Variants in TM9SF2 observed in about 807,000 individuals in gnomAD.
TM9SF2 encodes the protein 76 kDa membrane protein.
Under a neutral mutation model 84.9 loss-of-function variants are expected in TM9SF2, and 13 were observed. That is an observed-to-expected ratio of 0.15 (90% CI 0.10 to 0.24). TM9SF2 has a LOEUF of 0.24. Among genes scored for constraint, TM9SF2 ranks in the 10% least tolerant of loss-of-function variants. The probability of loss-of-function intolerance (pLI) is 1.00; values close to 1 mark genes in which losing one functional copy is unlikely to be tolerated. For synonymous variants in TM9SF2, 273 were observed against 285.8 expected, an observed-to-expected ratio of 0.96 and a Z score of 0.45; for missense variants, 562 against 818.5, an observed-to-expected ratio of 0.69 and a Z score of 3.82.
At chr13:99,552,116 G>T (rs1244691086) in intron 12 of TM9SF2, 51 bp from the exon 13 acceptor site, 1 of 1,546,500 alleles carries the variant, frequency 6.5e-7, no homozygotes, top group African/African-American at 1.4e-5. Flanking sequence ...ACATACTACT[G>T]TTGCATTTTG....
rs139916906 is a variant in TM9SF2 at position 99,556,876 on chromosome 13, G to A, written c.1752+1229G>A. 2.5e-3 allele frequency among the ~76,000 whole-genome samples: 380 copies of A among 152,262 alleles called. 1 individual carries two copies. The highest frequency in any genetic ancestry group is 8.5e-3 in the African/African-American group (353 of 41,546). On this transcript the variant is annotated intron_variant, in intron 15 of 16. Transcript: ENST00000376387. ...GCTGGGATTACAGACGTGAGCCACC[G>A]CGCCTGGCCACTTCATTCCTTTTTA...
chr13:99,519,293 G>GTT (rs759941780), intron 2 of TM9SF2, among the ~76,000 whole-genome samples: 16 of 138,826 alleles, frequency 1.2e-4, no homozygotes, highest in Non-Finnish European at 7.9e-5. Context: ...CCCAGCCCCA[G>GTT]TTTTTTTTTT....
intron 4 of TM9SF2, among the ~76,000 whole-genome samples, chr13:99,530,862 AT>A (rs879431434): frequency 6.3e-4 from 91 of 144,872 alleles, no homozygotes; most frequent in South Asian, 2.2e-3. Context: ...CAAACATAGA[AT>A]TTTTTTTTTT....
chr13:99,532,787 A>G (rs1057137292), intron 4 of TM9SF2, among the ~76,000 whole-genome samples: 11 of 152,222 alleles, frequency 7.2e-5, no homozygotes, highest in Admixed American at 5.9e-4. Context: ...TAGTGTACAA[A>G]CTAAGCAAGC....
At chr13:99,537,434 C>CATAATA (rs2046239463) in intron 5 of TM9SF2, among the ~76,000 whole-genome samples, 1 of 151,966 alleles carries the variant, frequency 6.6e-6, no homozygotes, top group Non-Finnish European at 1.5e-5. Context: ...TTAGTGTGCT[C>CATAATA]ATAATATTTT....
chr13:99,526,025 C>G (rs532607756), intron 3 of TM9SF2, among the ~76,000 whole-genome samples: 1 of 152,242 alleles, frequency 6.6e-6, no homozygotes, highest in South Asian at 2.1e-4. Context: ...TCAGTGAGCT[C>G]GTTCATCCGT....
At chr13:99,544,897 C>T (rs1442915557) in intron 10 of TM9SF2, among the ~76,000 whole-genome samples, 1 of 151,852 alleles carries the variant, frequency 6.6e-6, no homozygotes, top group East Asian at 1.9e-4. Flanking sequence ...AATAAATGTT[C>T]CTTAGAGGTA....
At chr13:99,502,622 G>A (rs1021367615) in intron 1 of TM9SF2, among the ~76,000 whole-genome samples, 3 of 152,164 alleles carry the variant, frequency 2.0e-5, no homozygotes, top group African/African-American at 7.2e-5. Context: ...TAAAAGAGGC[G>A]TAAATAAAGT....
intron 3 of TM9SF2, among the ~76,000 whole-genome samples, chr13:99,528,209 A>G (rs1430949047): frequency 6.6e-6 from 1 of 152,146 alleles, no homozygotes; most frequent in Non-Finnish European, 1.5e-5. Context: ...TCCCAACTAA[A>G]CACATGACAG....
intron 3 of TM9SF2, among the ~76,000 whole-genome samples, chr13:99,527,751 A>G (rs558369328): frequency 2.4e-4 from 36 of 152,378 alleles, no homozygotes; most frequent in Non-Finnish European, 4.3e-4. Context: ...GGTGAGATAC[A>G]TAACAATAAC....
At chr13:99,553,018 G>C (rs1161511164) in intron 13 of TM9SF2, among the ~76,000 whole-genome samples, 1 of 152,192 alleles carries the variant, frequency 6.6e-6, no homozygotes, top group African/African-American at 2.4e-5. Context: ...TGCTAATATT[G>C]GATTTTAAGG....
Position 99,552,988 on chromosome 13 carries a change from A to T in TM9SF2, c.1488+662A>T, listed in dbSNP as rs552270439. Among the ~76,000 whole-genome samples the T allele has an allele frequency of 7.2e-5, 11 of 152,364 alleles. No homozygotes were observed. In the South Asian group the frequency reaches 2.1e-3, roughly 29 times the overall value. ...TTGAAATAAATTGTATCTGCTGGAAATAAATTGTATCTGCTTCCCTGCTAA... is the reference window on the plus strand; with the variant it reads ...TTGAAATAAATTGTATCTGCTGGAATTAAATTGTATCTGCTTCCCTGCTAA... On this transcript the variant is annotated intron_variant, in intron 13 of 16. Transcript: ENST00000376387.
chr13:99,501,574 A>G lies in TM9SF2; in HGVS notation c.-33A>G. 6.2e-7 allele frequency: 1 copy of G among 1,600,742 alleles called. No homozygotes were observed. Among genetic ancestry groups the G allele is most frequent in the South Asian group, 1.1e-5 (1 of 90,500 alleles). On this transcript the variant is annotated 5_prime_UTR_variant, in exon 1 of 17. Transcript: ENST00000376387. Reference sequence around the variant, plus strand: ...ACCCCTCCTTCCCTCTTGACCCCCTAGGTTTGATTGCCCTTTCCCCGAAAC... The same window carrying G: ...ACCCCTCCTTCCCTCTTGACCCCCTGGGTTTGATTGCCCTTTCCCCGAAAC...
At chr13:99,550,987 C>CCAA (rs2046303732) in intron 12 of TM9SF2, among the ~76,000 whole-genome samples, 1 of 152,096 alleles carries the variant, frequency 6.6e-6, no homozygotes, top group Non-Finnish European at 1.5e-5. Context: ...ACAAAGAACA[C>CCAA]CAACACATTT....
At chr13:99,562,107 T>C (rs1388454626) in intron 16 of TM9SF2, among the ~76,000 whole-genome samples, 1 of 152,244 alleles carries the variant, frequency 6.6e-6, no homozygotes, top group African/African-American at 2.4e-5. Flanking sequence ...TGCCCAAGGA[T>C]GACACACACA....
intron 9 of TM9SF2, 24 bp downstream of exon 9, chr13:99,541,691 T>C: frequency 4.0e-6 from 6 of 1,503,572 alleles, no homozygotes; most frequent in Non-Finnish European, 4.6e-6. Flanking sequence ...TTTTAGTCTT[T>C]AGTCTGCCAA....
chr13:99,538,161 T>C (rs1472387985), intron 6 of TM9SF2, among the ~76,000 whole-genome samples: 3 of 152,182 alleles, frequency 2.0e-5, no homozygotes, highest in Non-Finnish European at 4.4e-5. Flanking sequence ...GTTGGGACAG[T>C]GGTCCCCTTC....
At chr13:99,513,091 G>C (rs543647326) in intron 1 of TM9SF2, among the ~76,000 whole-genome samples, 2 of 152,316 alleles carry the variant, frequency 1.3e-5, no homozygotes, top group African/African-American at 4.8e-5. Context: ...TTTTTGAGAT[G>C]ATGAGCTCCA....
chr13:99,508,377 T>G (rs2046097390), intron 1 of TM9SF2, among the ~76,000 whole-genome samples: 1 of 133,458 alleles, frequency 7.5e-6, no homozygotes, highest in African/African-American at 3.0e-5. Flanking sequence ...ATAAAGATGT[T>G]TAGAGTGGGA....
Sources: allele counts gnomAD v4.1 joint callset (sites outside exome capture counted in the v4.1 genomes callset), GRCh38; gene constraint gnomAD v4.1.1; transcripts MANE v1.5; gene names NCBI Gene and HGNC (gene_info 2026-07-23, HGNC 2026-07-21).